Variants in WDR7 observed in about 807,000 individuals in gnomAD.
WDR7 encodes WD repeat domain 7.
WDR7 carries 46 observed loss-of-function variants against 169.4 expected under a neutral mutation model. The ratio of observed to expected loss-of-function variants is 0.27; its 90% confidence interval spans 0.21 to 0.35. The LOEUF (loss-of-function observed/expected upper bound fraction) is 0.35. Among genes scored for constraint, WDR7 ranks in the 10% least tolerant of loss-of-function variants. The pLI is 1.00. For synonymous variants in WDR7, 612 were observed against 666.8 expected, an observed-to-expected ratio of 0.92 and a Z score of 1.27; for missense variants, 1,534 against 1,859.3, an observed-to-expected ratio of 0.83 and a Z score of 3.22.
chr18:56,678,871 A>T (rs1321243345), intron 2 of WDR7, among the ~76,000 whole-genome samples: 1 of 152,160 alleles, frequency 6.6e-6, no homozygotes, highest in African/African-American at 2.4e-5. Flanking sequence ...TCTCTGGATT[A>T]CCAGGCAGAG....
chr18:56,745,499 A>C (rs1220604084), intron 14 of WDR7, among the ~76,000 whole-genome samples: 1 of 152,148 alleles, frequency 6.6e-6, no homozygotes, highest in African/African-American at 2.4e-5. Flanking sequence ...CTCATAAGGA[A>C]CGCACACTGT....
At chr18:56,834,759 C>T (rs1007313221) in intron 20 of WDR7, among the ~76,000 whole-genome samples, 4 of 152,130 alleles carry the variant, frequency 2.6e-5, no homozygotes, top group African/African-American at 9.7e-5. Flanking sequence ...AAAGTGGAAT[C>T]GTTTAAAATG....
intron 12 of WDR7, 105 bp from the exon 13 acceptor site, chr18:56,717,859 A>G (rs1249880288): frequency 9.0e-7 from 1 of 1,117,298 alleles, no homozygotes; most frequent in East Asian, 2.7e-5. Flanking sequence ...GTGGTTTTTC[A>G]GTGGCAGCAA....
At chr18:56,821,062 A>G (rs1447384276) in intron 20 of WDR7, among the ~76,000 whole-genome samples, 1 of 152,142 alleles carries the variant, frequency 6.6e-6, no homozygotes, top group Non-Finnish European at 1.5e-5. Flanking sequence ...CAATCAGTAA[A>G]TATTTTTGAG....
intron 14 of WDR7, among the ~76,000 whole-genome samples, chr18:56,733,114 G>A (rs979553123): frequency 1.3e-5 from 2 of 152,062 alleles, no homozygotes; most frequent in Non-Finnish European, 2.9e-5. Context: ...AGTGATAAAA[G>A]CACCAGATAT....
intron 25 of WDR7, among the ~76,000 whole-genome samples, chr18:56,943,982 GTTT>G (rs397858369): frequency 0.011 from 871 of 78,580 alleles, 5 homozygotes; most frequent in African/African-American, 0.05. Flanking sequence ...TGTTTTGTGG[GTTT>G]TTTTTTTTTT....
In WDR7 at chr18:56,821,173, T is replaced by G. The variant is rs114326922; in HGVS notation, c.3304+5029T>G. On this transcript the variant is annotated intron_variant, in intron 20 of 27. Transcript: ENST00000254442. The stretch of plus-strand genomic sequence containing the variant: ...CATTTTCATGGAGGGAGGCAGACAA[T>G]AAGAAGAAGAAGAAGTAAATAAATA... Among the ~76,000 whole-genome samples the G allele has an allele frequency of 7.4e-3, 1,118 of 151,904 alleles. 18 individuals carry two copies. The highest frequency in any genetic ancestry group is 0.024 in the African/African-American group (1,011 of 41,434).
intron 26 of WDR7, among the ~76,000 whole-genome samples, chr18:56,983,735 T>G (rs2047677100): frequency 6.6e-6 from 1 of 152,176 alleles, no homozygotes; most frequent in African/African-American, 2.4e-5. Context: ...GGTAGCATCT[T>G]ACTAAACAAT....
intron 20 of WDR7, among the ~76,000 whole-genome samples, chr18:56,820,311 A>C (rs923679090): frequency 6.9e-6 from 1 of 145,444 alleles, no homozygotes; most frequent in Non-Finnish European, 1.5e-5. Flanking sequence ...AAAAACGATG[A>C]TAAAGGGTCA....
intron 14 of WDR7, among the ~76,000 whole-genome samples, chr18:56,752,494 A>G (rs958340990): frequency 6.6e-6 from 1 of 152,170 alleles, no homozygotes; most frequent in East Asian, 1.9e-4. Context: ...TGTACGCATC[A>G]TCATCTGTTT....
In WDR7 at chr18:57,020,795, T is replaced by A; in HGVS notation, c.4215T>A (p.Asp1405Glu). The change falls in exon 27 of 28, where the codon GAT becomes GAA. Residue 1405 changes from aspartate (D) to glutamate (E), a missense_variant. Asp to Glu is a conservative substitution (Grantham distance 45). Coordinates refer to ENST00000254442, the MANE Select transcript of WDR7 (RefSeq NM_015285.3). ...TCACTGCAGTGGCTTTTGCTCCTGATGGAAGATATCTTGCCACCTACTCAA... is the reference window on the plus strand; with the variant it reads ...TCACTGCAGTGGCTTTTGCTCCTGAAGGAAGATATCTTGCCACCTACTCAA... ...GPITAVAFAPDGRYLATYSNT... is the reference protein window; with the variant it reads ...GPITAVAFAPEGRYLATYSNT... 6.2e-7 allele frequency: 1 copy of A among 1,614,234 alleles called. No homozygotes were observed. Among genetic ancestry groups the A allele is most frequent in the Non-Finnish European group, 8.5e-7 (1 of 1,180,022 alleles).
At chr18:56,740,026 C>T (rs1253424473) in intron 14 of WDR7, among the ~76,000 whole-genome samples, 1 of 151,930 alleles carries the variant, frequency 6.6e-6, no homozygotes, top group Admixed American at 6.6e-5. Flanking sequence ...ACTCCAATAA[C>T]ATGTAAATTA....
chr18:56,753,437 C>T (rs1360916120), intron 14 of WDR7: 2 of 152,066 alleles, frequency 1.3e-5, no homozygotes, highest in African/African-American at 4.8e-5. Context: ...TTGAAATGTT[C>T]CTGTAGAGTA....
chr18:57,030,549 G>A (rs1258031325), downstream of WDR7: 2 of 152,182 alleles, frequency 1.3e-5, no homozygotes, highest in South Asian at 2.1e-4. Flanking sequence ...AAGGCGTGAC[G>A]TTAATAGGAA....
In WDR7 at chr18:56,782,833, C is replaced by A. The variant is rs114224128; in HGVS notation, c.3190+1177C>A. Among the ~76,000 whole-genome samples, 303 of 152,156 alleles carry A rather than the reference C, an allele frequency of 2.0e-3. 1 individual carries two copies. Among genetic ancestry groups the A allele is most frequent in the African/African-American group, 7.0e-3 (289 of 41,498 alleles). Reference sequence around the variant, plus strand: ...GTTTAATCAAGCATGTGACCTTGGGCACTTTTCTTAAGCTTTCTTAGTCTC... The same window carrying A: ...GTTTAATCAAGCATGTGACCTTGGGAACTTTTCTTAAGCTTTCTTAGTCTC... On this transcript the variant is annotated intron_variant, in intron 19 of 27. Coordinates refer to ENST00000254442, the MANE Select transcript of WDR7 (RefSeq NM_015285.3).
rs115617462 is a variant in WDR7 at position 57,014,377 on chromosome 18, T to C, written c.4165-6368T>C. ...AAAGGAATAAAAGAAAGTCCACATC[T>C]TGAGGCCAGGTGCTCACACCTGTAA... On this transcript the variant is annotated intron_variant, in intron 26 of 27. Transcript: ENST00000254442. Among the ~76,000 whole-genome samples the C allele has an allele frequency of 2.8e-3, 417 of 147,992 alleles. 2 individuals are homozygous for C. The highest frequency in any genetic ancestry group is 9.9e-3 in the African/African-American group (399 of 40,120).
At chr18:56,863,562 C>T (rs1343901875) in intron 20 of WDR7, among the ~76,000 whole-genome samples, 3 of 151,612 alleles carry the variant, frequency 2.0e-5, no homozygotes, top group Non-Finnish European at 3.0e-5. Context: ...AAAAGTATTA[C>T]ATTTCCTGGC....
chr18:56,850,851 C>T (rs1290144146), intron 20 of WDR7, among the ~76,000 whole-genome samples: 1 of 152,132 alleles, frequency 6.6e-6, no homozygotes, highest in African/African-American at 2.4e-5. Flanking sequence ...CTTCCTTGAC[C>T]TATGTTTCTT....
At chr18:57,033,919 G>A (rs28592188), downstream of WDR7, 1,002 of 152,186 alleles carry the variant, frequency 6.6e-3, 10 homozygotes, top group African/African-American at 0.023. Context: ...AGGGTGAGGC[G>A]GGGAGGATCA....
Sources: gnomAD v4.1 joint callset for allele counts (sites outside exome capture counted in the v4.1 genomes callset) on GRCh38, gnomAD v4.1.1 for gene constraint, MANE v1.5 for transcripts, NCBI Gene and HGNC (gene_info 2026-07-23, HGNC 2026-07-21) for gene names.